Variants in LNX2 observed in about 807,000 individuals in gnomAD.
LNX2 encodes the protein ligand of Numb protein X 2.
Under a neutral mutation model 66.2 loss-of-function variants are expected in LNX2, and 35 were observed. The ratio of observed to expected loss-of-function variants is 0.53; its 90% CI spans 0.40 to 0.70. The LOEUF (loss-of-function observed/expected upper bound fraction) is 0.70. Ranked by LOEUF, LNX2 falls within the 30% of genes least tolerant of loss-of-function variation. The probability of loss-of-function intolerance (pLI) is 0.00; values close to 1 mark genes in which losing one functional copy is unlikely to be tolerated. For missense variants in LNX2, 791 were observed against 850.8 expected, an observed-to-expected ratio of 0.93 and a Z score of 0.87; for synonymous variants, 337 against 315.6, an observed-to-expected ratio of 1.07 and a Z score of -0.72.
chr13:27,586,082 ATATC>A lies in LNX2; in HGVS notation c.-100-4283_-100-4280del, dbSNP rs1226623295. 5.8e-4 allele frequency among the ~76,000 whole-genome samples: 87 copies of A among 149,238 alleles called. 1 individual carries two copies. The highest frequency in any genetic ancestry group is 2.2e-4 in the African/African-American group (9 of 40,958). ...TATATATAAGGCAGTACATATATCT[ATATC>A]TATATAATATCTAAGTTCAGATATA... is the stretch of plus-strand genomic sequence containing the variant. On this transcript the variant is annotated intron_variant, in intron 1 of 9. Coordinates refer to ENST00000316334, the MANE Select transcript of LNX2 (RefSeq NM_153371.4).
rs754263739 is a variant in LNX2 at position 27,553,261 on chromosome 13, A to T, written c.1725T>A (p.Asn575Lys). Residue 575 changes from asparagine (N) to lysine (K), a missense_variant, in exon 8 of 10, where the codon AAT becomes AAA. Physicochemically the swap from Asn to Lys is moderately conservative, Grantham distance 94. Coordinates refer to ENST00000316334, the MANE Select transcript of LNX2 (RefSeq NM_153371.4). ...ATGGGGACCAACTGGCATCATACTC[A>T]TTTTCGCTGAAAGTACTCGGCTGCT... Reference protein sequence around the residue: ...AEEQPSTFSENEYDASWSPSW... With the variant: ...AEEQPSTFSEKEYDASWSPSW... 1 of 1,614,092 alleles carries T rather than the reference A, an allele frequency of 6.2e-7. No individual in the cohort carries two copies. Among genetic ancestry groups the T allele is most frequent in the East Asian group, 2.2e-5 (1 of 44,862 alleles).
chr13:27,581,944 AAG>A, intron 1 of LNX2, 141 bp from the exon 2 acceptor site: 1 of 367,842 alleles, frequency 2.7e-6, no homozygotes, highest in Non-Finnish European at 4.8e-6. Flanking sequence ...GTCATAAAAA[AAG>A]AAATTAATTT....
At chr13:27,575,706 C>T (rs1955334302) in intron 2 of LNX2, among the ~76,000 whole-genome samples, 1 of 152,052 alleles carries the variant, frequency 6.6e-6, no homozygotes, top group East Asian at 1.9e-4. Flanking sequence ...TCATGTCAGC[C>T]AACTCCTCAT....
intron 4 of LNX2, among the ~76,000 whole-genome samples, chr13:27,564,437 T>C (rs1955179669): frequency 6.6e-6 from 1 of 152,190 alleles, no homozygotes; most frequent in Non-Finnish European, 1.5e-5. Context: ...ATGACTTCAT[T>C]AAACTGAAAA....
intron 9 of LNX2, among the ~76,000 whole-genome samples, chr13:27,549,051 T>C (rs1052367823): frequency 6.6e-6 from 1 of 152,336 alleles, no homozygotes; most frequent in Non-Finnish European, 1.5e-5. Context: ...CCTCAATTTC[T>C]TTTTGGAAGT....
chr13:27,552,919 C>G (rs1955021665), intron 8 of LNX2, among the ~76,000 whole-genome samples: 1 of 152,208 alleles, frequency 6.6e-6, no homozygotes, highest in Admixed American at 6.5e-5. Flanking sequence ...GGAATGAGTG[C>G]TGGTAAACGA....
chr13:27,579,782 G>A (rs1955377871), intron 2 of LNX2, among the ~76,000 whole-genome samples: 1 of 152,170 alleles, frequency 6.6e-6, no homozygotes, highest in African/African-American at 2.4e-5. Context: ...GAAAGAAGCA[G>A]CCTGAAATAT....
At chr13:27,568,955 AAAG>A in intron 3 of LNX2, 71 bp downstream of exon 3, 1 of 1,429,748 alleles carries the variant, frequency 7.0e-7, no homozygotes, top group Non-Finnish European at 9.3e-7. Context: ...AAAGATGAAA[AAAG>A]TACATGTTGG....
chr13:27,589,439 C>T (rs1955525847), intron 1 of LNX2, among the ~76,000 whole-genome samples: 1 of 152,146 alleles, frequency 6.6e-6, no homozygotes, highest in Non-Finnish European at 1.5e-5. Context: ...TATAATAAAA[C>T]ACTTATTGGT....
chr13:27,590,794 C>T (rs2138424994), intron 1 of LNX2, among the ~76,000 whole-genome samples: 1 of 152,150 alleles, frequency 6.6e-6, no homozygotes, highest in Admixed American at 6.5e-5. Flanking sequence ...AAAATAATAT[C>T]ATGGTGATAT....
intron 7 of LNX2, among the ~76,000 whole-genome samples, chr13:27,553,643 A>C (rs904941492): frequency 2.0e-5 from 3 of 152,206 alleles, no homozygotes; most frequent in African/African-American, 4.8e-5. Context: ...CCATAATTTT[A>C]AAATAATGTC....
chr13:27,575,268 C>G (rs1436271730), intron 2 of LNX2, among the ~76,000 whole-genome samples: 4 of 152,124 alleles, frequency 2.6e-5, no homozygotes, highest in African/African-American at 9.7e-5. Context: ...ATAATAATAG[C>G]ACACAGGAGG....
chr13:27,608,967 G>C (rs1229879303), intron 1 of LNX2, among the ~76,000 whole-genome samples: 1 of 151,640 alleles, frequency 6.6e-6, no homozygotes, highest in African/African-American at 2.4e-5. Flanking sequence ...ACCATGCCCA[G>C]CTAATTTTTG....
rs1555268514 is a variant in LNX2, at chr13:27,583,255, T to TGTGTGTGTGTGCGC, written c.-100-1453_-100-1452insGCGCACACACACAC. On this transcript the variant is annotated intron_variant, in intron 1 of 9. Transcript: ENST00000316334. Reference sequence around the variant, plus strand: ...GTGTGTGTGTGTGTGTGTGTGTGTGTGCGCGCGTCCTCTCCAACATACTTA... The same window carrying TGTGTGTGTGTGCGC: ...GTGTGTGTGTGTGTGTGTGTGTGTGTGTGTGTGTGTGCGCGCGCGCGTCCTCTCCAACATACTTA... Among the ~76,000 whole-genome samples the TGTGTGTGTGTGCGC allele has an allele frequency of 1.0e-4, 6 of 58,526 alleles. 1 individual carries two copies. The highest frequency in any genetic ancestry group is 1.8e-4 in the Admixed American group (1 of 5,688). 38.4% of individuals were successfully genotyped at this position (58,526 alleles called of 152,430 possible). A position where few individuals can be genotyped will look rare whatever the true frequency, so the allele number is the denominator to read the frequency against.
Position 27,562,664 on chromosome 13 carries a change from G to A in LNX2, c.973C>T (p.His325Tyr), listed in dbSNP as rs1204202744. ...LRERRFGNRAHNHSDSNSPRE... is the reference protein window; with the variant it reads ...LRERRFGNRAYNHSDSNSPRE... The stretch of plus-strand genomic sequence containing the variant: ...GGAGAGTTACTATCAGAATGGTTGT[G>A]TGCTCGGTTGCCAAAGCGCCTCTCT... The change falls in exon 5 of 10, where the codon CAC becomes TAC. Residue 325 changes from histidine to tyrosine, a missense_variant. Transcript: ENST00000316334. 1.2e-6 allele frequency: 2 copies of A among 1,614,182 alleles called. No homozygotes were observed. Among genetic ancestry groups the A allele is most frequent in the South Asian group, 1.1e-5 (1 of 91,086 alleles).
At chr13:27,560,070 C>T (rs937896882) in intron 5 of LNX2, 85 bp from the exon 6 acceptor site, 1 of 1,250,002 alleles carries the variant, frequency 8.0e-7, no homozygotes, top group Non-Finnish European at 1.1e-6. Flanking sequence ...TTTCAATGAA[C>T]TTCTTAATCA....
chr13:27,552,116 A>G (rs1191117924), intron 8 of LNX2, among the ~76,000 whole-genome samples: 1 of 152,216 alleles, frequency 6.6e-6, no homozygotes, highest in Non-Finnish European at 1.5e-5. Context: ...AATCTTTGCT[A>G]TTATGCCTGG....
chr13:27,619,671 C>G (rs1168662017), intron 1 of LNX2, among the ~76,000 whole-genome samples: 1 of 152,200 alleles, frequency 6.6e-6, no homozygotes. Flanking sequence ...GATTCATAAA[C>G]TTAACGTAAA....
intron 1 of LNX2, among the ~76,000 whole-genome samples, chr13:27,606,577 A>T (rs1955719582): frequency 6.6e-6 from 1 of 152,224 alleles, no homozygotes; most frequent in Non-Finnish European, 1.5e-5. Context: ...TTTTAAATCA[A>T]GGTACAGAAC....
Sources: gnomAD v4.1 joint callset for allele counts (sites outside exome capture counted in the v4.1 genomes callset) on GRCh38, gnomAD v4.1.1 for gene constraint, MANE v1.5 for transcripts, NCBI Gene and HGNC (gene_info 2026-07-23, HGNC 2026-07-21) for gene names.